The following FGF12 variants were observed in gnomAD, a reference collection of about 807,000 sequenced individuals.
The protein encoded by FGF12 is fibroblast growth factor 12B.
A neutral mutation model predicts 23.6 loss-of-function variants in FGF12; 14 were observed. The observed-to-expected ratio is 0.59, with a 90% CI of 0.39 to 0.93. FGF12 has a LOEUF of 0.93. FGF12 is among the 40% of genes least tolerant of loss of function. The pLI, the probability that FGF12 is intolerant of heterozygous loss-of-function variation, is 0.00. For missense variants in FGF12, 175 were observed against 217.8 expected, an observed-to-expected ratio of 0.80 and a Z score of 1.24; for synonymous variants, 62 against 77.3, an observed-to-expected ratio of 0.80 and a Z score of 1.04.
At chr3:192,591,067 T>G (rs1312805168) in intron 2 of FGF12, among the ~76,000 whole-genome samples, 1 of 151,498 alleles carries the variant, frequency 6.6e-6, no homozygotes, top group Middle Eastern at 3.2e-3. Flanking sequence ...TTTCTATTCA[T>G]ATGCTTTGCT....
intron 2 of FGF12, among the ~76,000 whole-genome samples, chr3:192,385,498 A>G (rs1375040648): frequency 6.6e-6 from 1 of 152,200 alleles, no homozygotes; most frequent in Non-Finnish European, 1.5e-5. Context: ...TAATTCAAAC[A>G]GATCTCCTGG....
intron 3 of FGF12, among the ~76,000 whole-genome samples, chr3:192,348,861 G>A (rs930431080): frequency 6.6e-6 from 1 of 151,994 alleles, no homozygotes; most frequent in African/African-American, 2.4e-5. Context: ...CCTTTTATAG[G>A]GTTATCACAA....
chr3:192,414,349 G>A (rs1721282316), intron 2 of FGF12, among the ~76,000 whole-genome samples: 1 of 152,040 alleles, frequency 6.6e-6, no homozygotes, highest in African/African-American at 2.4e-5. Context: ...TTTAACCAAG[G>A]TCACCCAGCT....
At chr3:192,366,901 A>G (rs1382739892) in intron 2 of FGF12, among the ~76,000 whole-genome samples, 1 of 152,196 alleles carries the variant, frequency 6.6e-6, no homozygotes, top group East Asian at 1.9e-4. Context: ...CCTAGGGCCA[A>G]TGGGTGAAAG....
intron 2 of FGF12, among the ~76,000 whole-genome samples, chr3:192,602,719 G>GCCC (rs368692960): frequency 1.7e-5 from 2 of 119,610 alleles, no homozygotes; most frequent in Non-Finnish European, 3.7e-5. Context: ...GTGCACAAAG[G>GCCC]CCCAAAAAAA....
At chr3:192,557,956 T>C (rs912583387) in intron 2 of FGF12, among the ~76,000 whole-genome samples, 1 of 151,854 alleles carries the variant, frequency 6.6e-6, no homozygotes, top group Non-Finnish European at 1.5e-5. Flanking sequence ...AACCAACAGA[T>C]AACATAATAT....
chr3:192,466,529 C>T (rs933104903), intron 2 of FGF12, among the ~76,000 whole-genome samples: 4 of 152,098 alleles, frequency 2.6e-5, no homozygotes, highest in African/African-American at 7.2e-5. Context: ...CAGCAGAAGA[C>T]GAAAGGGGTT....
At chr3:192,575,734 T>C (rs1346687176) in intron 2 of FGF12, among the ~76,000 whole-genome samples, 1 of 152,128 alleles carries the variant, frequency 6.6e-6, no homozygotes, top group Non-Finnish European at 1.5e-5. Flanking sequence ...TAAAGATCTA[T>C]TCTGGATCTC....
chr3:192,454,852 C>A (rs568003306), intron 2 of FGF12, among the ~76,000 whole-genome samples: 1 of 152,278 alleles, frequency 6.6e-6, no homozygotes, highest in South Asian at 2.1e-4. Flanking sequence ...CATAACCAGA[C>A]AATCAATTGT....
chr3:192,642,210 C>T (rs372666413), intron 2 of FGF12, among the ~76,000 whole-genome samples: 1 of 152,346 alleles, frequency 6.6e-6, no homozygotes, highest in East Asian at 1.9e-4. Flanking sequence ...AACACTTTCA[C>T]ATCCATTATT....
At chr3:192,541,076 T>C (rs1166998383) in intron 2 of FGF12, among the ~76,000 whole-genome samples, 1 of 152,190 alleles carries the variant, frequency 6.6e-6, no homozygotes, top group African/African-American at 2.4e-5. Context: ...TTTAAATCCA[T>C]TTAGCTACTC....
intron 4 of FGF12, among the ~76,000 whole-genome samples, chr3:192,246,525 A>G (rs1177052444): frequency 6.6e-6 from 1 of 152,050 alleles, no homozygotes; most frequent in Non-Finnish European, 1.5e-5. Context: ...TATAAAAGTG[A>G]TAAGAAAGCC....
intron 4 of FGF12, among the ~76,000 whole-genome samples, chr3:192,223,012 AC>A (rs991899064): frequency 5.9e-5 from 9 of 152,118 alleles, no homozygotes; most frequent in African/African-American, 2.2e-4. Flanking sequence ...CTCTGCCCAT[AC>A]TTTACCCAAG....
chr3:192,178,015 T>TAA (rs1715953737), intron 4 of FGF12, among the ~76,000 whole-genome samples: 2 of 152,270 alleles, frequency 1.3e-5, no homozygotes, highest in South Asian at 4.1e-4. Context: ...TTCTGGGAAT[T>TAA]AAACAACAAA....
intron 2 of FGF12, among the ~76,000 whole-genome samples, chr3:192,442,993 G>A (rs1722246339): frequency 6.6e-6 from 1 of 151,936 alleles, no homozygotes; most frequent in African/African-American, 2.4e-5. Context: ...ATTTTTAGTA[G>A]AGACGGGGTT....
intron 4 of FGF12, among the ~76,000 whole-genome samples, chr3:192,172,354 C>T (rs1715614958): frequency 6.7e-6 from 1 of 150,268 alleles, no homozygotes; most frequent in Admixed American, 6.7e-5. Flanking sequence ...ACACCCCACA[C>T]TCCAGCTTGG....
At chr3:192,530,959 C>T (rs971403075) in intron 2 of FGF12, among the ~76,000 whole-genome samples, 1 of 152,124 alleles carries the variant, frequency 6.6e-6, no homozygotes, top group African/African-American at 2.4e-5. Flanking sequence ...GGATTACAGG[C>T]ATATGCCACC....
chr3:192,705,192 C>T (rs1577131728), intron 2 of FGF12, among the ~76,000 whole-genome samples: 1 of 152,344 alleles, frequency 6.6e-6, no homozygotes, highest in Non-Finnish European at 1.5e-5. Flanking sequence ...GCCCAGCTTT[C>T]AGCGTATTTC....
chr3:192,413,527 A>G (rs1576964007), intron 2 of FGF12, among the ~76,000 whole-genome samples: 1 of 152,210 alleles, frequency 6.6e-6, no homozygotes, highest in East Asian at 1.9e-4. Context: ...TGTTATTAAA[A>G]TCTCCATTTA....
Sources: allele counts gnomAD v4.1 joint callset (sites outside exome capture counted in the v4.1 genomes callset), GRCh38; gene constraint gnomAD v4.1.1; transcripts MANE v1.5; gene names NCBI Gene and HGNC (gene_info 2026-07-23, HGNC 2026-07-21).